RTL4: variants seen among roughly 807,000 people sequenced by gnomAD.
RTL4 encodes the protein retrotransposon Gag like 4.
In RTL4, 4 loss-of-function variants were observed where a neutral mutation model predicts 5.3. The observed-to-expected ratio is 0.75, with a 90% confidence interval of 0.37 to 1.72. The LOEUF (loss-of-function observed/expected upper bound fraction) is 1.72, where lower values mean the gene tolerates loss of function less well. RTL4 is among the 40% of genes most tolerant of loss of function. The pLI is 0.04. For missense variants in RTL4, 260 were observed against 227.1 expected (o/e 1.14, Z -0.93); for synonymous variants, 98 against 87.3 (o/e 1.12, Z -0.68).
the RTL4 span, among the ~76,000 whole-genome samples, chrX:112,119,403 G>A: frequency 1.8e-5 from 2 of 110,592 alleles, no homozygotes; most frequent in African/African-American, 3.3e-5. Flanking sequence ...ATGCTTCAAC[G>A]TAGAGGTGGA....
the RTL4 span, among the ~76,000 whole-genome samples, chrX:112,208,547 G>A: frequency 8.9e-6 from 1 of 112,140 alleles, no homozygotes; most frequent in Non-Finnish European, 1.9e-5. Context: ...TGGAGAGACT[G>A]AAAAAGTCAA....
the RTL4 span, among the ~76,000 whole-genome samples, chrX:112,208,164 A>G: frequency 8.9e-6 from 1 of 112,001 alleles, no homozygotes; most frequent in African/African-American, 3.2e-5. Flanking sequence ...ATTAGCTGAA[A>G]AGGAGTTCAG....
chrX:112,188,944 G>T, the RTL4 span, among the ~76,000 whole-genome samples: 9 of 111,100 alleles, frequency 8.1e-5, no homozygotes, highest in Non-Finnish European at 1.3e-4. Context: ...TTAGAGCCAG[G>T]ACTAGAGCCC....
the RTL4 span, among the ~76,000 whole-genome samples, chrX:112,306,215 G>A: frequency 9.0e-6 from 1 of 111,203 alleles, no homozygotes; most frequent in Non-Finnish European, 1.9e-5. Flanking sequence ...AACAGCCCCA[G>A]CATTGCCCTG....
At chrX:112,381,809 C>T in the RTL4 span, 1 of 1,208,779 alleles carries the variant, frequency 8.3e-7, no homozygotes, top group Non-Finnish European at 1.1e-6. Context: ...TGCAAAGACA[C>T]GGGAAGTACA....
the RTL4 span, among the ~76,000 whole-genome samples, chrX:112,205,112 A>G: frequency 5.2e-3 from 579 of 111,836 alleles, 3 homozygotes; most frequent in Middle Eastern, 9.2e-3. Context: ...CTTGCAGATA[A>G]TTAGGAGGGA....
At chrX:112,083,259 G>C in the RTL4 span, among the ~76,000 whole-genome samples, 2 of 112,805 alleles carry the variant, frequency 1.8e-5, no homozygotes, top group African/African-American at 6.4e-5. Context: ...ATGGCTAGCA[G>C]AGTCTCTCTT....
the RTL4 span, among the ~76,000 whole-genome samples, chrX:112,419,036 A>ATATATATATATATATCT: frequency 3.1e-3 from 19 of 6,191 alleles, no homozygotes; most frequent in Admixed American, 5.5e-3. Context: ...CATAAGATAT[A>ATATATATATATATATCT]TATATATATA....
the RTL4 span, among the ~76,000 whole-genome samples, chrX:112,177,527 AT>A: frequency 0.23 from 22,324 of 96,090 alleles, 1,945 homozygotes; most frequent in Non-Finnish European, 0.26. Context: ...ATTATTTGGG[AT>A]TTTTTTTTTT....
the RTL4 span, among the ~76,000 whole-genome samples, chrX:112,242,423 T>G: frequency 9.0e-6 from 1 of 111,429 alleles, no homozygotes; most frequent in South Asian, 3.8e-4. Flanking sequence ...TCCCTTGTAC[T>G]TTGGATTCCT....
chrX:112,400,915 T>C, the RTL4 span, among the ~76,000 whole-genome samples: 1 of 111,135 alleles, frequency 9.0e-6, no homozygotes, highest in African/African-American at 3.3e-5. Flanking sequence ...CTCAGCTCTG[T>C]CTCTTCAACT....
the RTL4 span, among the ~76,000 whole-genome samples, chrX:112,158,528 A>G: frequency 9.1e-6 from 1 of 109,559 alleles, no homozygotes; most frequent in African/African-American, 3.3e-5. Context: ...GCACATACAT[A>G]CACACATAGA....
the RTL4 span, among the ~76,000 whole-genome samples, chrX:112,204,249 T>C: frequency 5.4e-5 from 6 of 112,015 alleles, no homozygotes; most frequent in South Asian, 1.1e-3. Context: ...ACTATGGAGA[T>C]CGGTTTGAAG....
chrX:112,193,076 T>G, the RTL4 span, among the ~76,000 whole-genome samples: 420 of 112,137 alleles, frequency 3.7e-3, 4 homozygotes, highest in African/African-American at 0.013. Flanking sequence ...TTATGTCATC[T>G]CATTGCCTTT....
At chrX:112,351,520 C>G in the RTL4 span, among the ~76,000 whole-genome samples, 22 of 100,978 alleles carry the variant, frequency 2.2e-4, no homozygotes, top group African/African-American at 3.8e-4. Flanking sequence ...TTGTAGGTCA[C>G]TCAGGACTTA....
At chrX:112,295,381 C>T in the RTL4 span, among the ~76,000 whole-genome samples, 1 of 112,043 alleles carries the variant, frequency 8.9e-6, no homozygotes, top group Non-Finnish European at 1.9e-5. Context: ...TCAAGAGGTT[C>T]CTTTTACCAC....
the RTL4 span, chrX:112,381,355 GGTAGA>G: frequency 8.3e-7 from 1 of 1,209,139 alleles, no homozygotes; most frequent in Non-Finnish European, 1.1e-6. Context: ...AGCTAACAAA[GGTAGA>G]GACAAGCCTT....
the RTL4 span, among the ~76,000 whole-genome samples, chrX:112,405,747 C>T: frequency 2.7e-5 from 3 of 109,745 alleles, no homozygotes; most frequent in African/African-American, 6.7e-5. Flanking sequence ...ACAAAAAAAG[C>T]ACCTTTATAA....
At chrX:112,404,341 T>G in the RTL4 span, among the ~76,000 whole-genome samples, 1 of 112,322 alleles carries the variant, frequency 8.9e-6, no homozygotes, top group Non-Finnish European at 1.9e-5. Flanking sequence ...GCCGAGTGTT[T>G]TATTTGTCCA....
Sources: allele counts gnomAD v4.1 joint callset (sites outside exome capture counted in the v4.1 genomes callset), GRCh38; gene constraint gnomAD v4.1.1; transcripts MANE v1.5; gene names NCBI Gene and HGNC (gene_info 2026-07-23, HGNC 2026-07-21).